The following EYA3 variants were observed in gnomAD, a reference collection of about 807,000 sequenced individuals.
EYA3 encodes EYA transcriptional coactivator and phosphatase 3, also known as protein phosphatase EYA3.
EYA3 carries 39 observed loss-of-function variants against 80.0 expected under a neutral mutation model. That is an observed-to-expected ratio of 0.49 (90% CI 0.38 to 0.64). EYA3 has a LOEUF of 0.64. EYA3 is among the 30% of genes least tolerant of loss of function. The pLI, the probability that EYA3 is intolerant of heterozygous loss-of-function variation, is 0.00. For missense variants in EYA3, 523 were observed against 676.1 expected, an observed-to-expected ratio of 0.77 and a Z score of 2.51; for synonymous variants, 206 against 232.8, an observed-to-expected ratio of 0.88 and a Z score of 1.05.
chr1:28,009,666 C>CAACAACAACAACAAA lies in EYA3; in HGVS notation c.909+1280_909+1281insTTTGTTGTTGTTGTT, dbSNP rs1243690052. Among the ~76,000 whole-genome samples, 2 of 151,940 alleles carry CAACAACAACAACAAA rather than the reference C, an allele frequency of 1.3e-5. No homozygotes were observed. Among genetic ancestry groups the CAACAACAACAACAAA allele is most frequent in the Non-Finnish European group, 2.9e-5 (2 of 67,976 alleles). ...ACAACAACAACAACAACAACAACAA[C>CAACAACAACAACAAA]AAAAAACCATTATGGTAAATGAAAT... On this transcript the variant is annotated intron_variant, in intron 10 of 17. Coordinates refer to ENST00000373871, the MANE Select transcript of EYA3 (RefSeq NM_001990.4). This position sits in a 1 kb window ranked among gnomAD's most constrained non-coding sequence, Gnocchi z 4.8.
chr1:27,979,392 T>A (rs903688524), intron 16 of EYA3, among the ~76,000 whole-genome samples: 3 of 152,186 alleles, frequency 2.0e-5, no homozygotes, highest in Non-Finnish European at 4.4e-5. Flanking sequence ...TTGTCATATC[T>A]GGAACCTCCT....
At chr1:28,063,585 T>C (rs1236776405) in intron 1 of EYA3, among the ~76,000 whole-genome samples, 1 of 152,020 alleles carries the variant, frequency 6.6e-6, no homozygotes, top group Non-Finnish European at 1.5e-5. Context: ...TGGCCTCAAG[T>C]GATCCACCAG....
intron 7 of EYA3, among the ~76,000 whole-genome samples, chr1:28,022,289 C>G (rs1468945463): frequency 6.6e-6 from 1 of 152,096 alleles, no homozygotes; most frequent in African/African-American, 2.4e-5. Context: ...GCTGGGACTA[C>G]AAGCACCCAC....
intron 2 of EYA3, among the ~76,000 whole-genome samples, chr1:28,057,242 T>C (rs1475970332): frequency 6.6e-6 from 1 of 152,110 alleles, no homozygotes. Flanking sequence ...ATTATTTGCT[T>C]TCAAAATTCA....
intron 1 of EYA3, among the ~76,000 whole-genome samples, chr1:28,073,928 A>C (rs1481976952): frequency 1.3e-5 from 2 of 152,214 alleles, no homozygotes; most frequent in Non-Finnish European, 1.5e-5. Flanking sequence ...GAAATTATAA[A>C]CACAGACCAC....
chr1:28,087,888 C>T (rs1000852556), intron 1 of EYA3, among the ~76,000 whole-genome samples: 3 of 152,200 alleles, frequency 2.0e-5, no homozygotes, highest in African/African-American at 7.2e-5. Flanking sequence ...TGGAAGCTAC[C>T]AGAGTTCAGT....
chr1:28,046,516 G>A (rs1402258974), intron 3 of EYA3, among the ~76,000 whole-genome samples: 5 of 151,974 alleles, frequency 3.3e-5, no homozygotes, highest in African/African-American at 9.7e-5. Context: ...GGAAAGGGAG[G>A]GAAAAGGGAG....
chr1:28,038,820 A>G lies in EYA3; in HGVS notation c.224+19T>C, dbSNP rs1464365427. Reference sequence around the variant, plus strand: ...TACAGAAAAAGCATATGCATTTTGGAAATAATTATTCAACTTACTTTGCAG... The same window carrying G: ...TACAGAAAAAGCATATGCATTTTGGGAATAATTATTCAACTTACTTTGCAG... On this transcript the variant is annotated intron_variant, in intron 5 of 17. Transcript: ENST00000373871. 1.3e-6 allele frequency: 2 copies of G among 1,483,362 alleles called. No individual in the cohort carries two copies. The highest frequency in any genetic ancestry group is 1.8e-6 in the Non-Finnish European group (2 of 1,085,948). 91.9% of individuals were successfully genotyped at this position (1,483,362 alleles called of 1,614,324 possible).
intron 1 of EYA3, among the ~76,000 whole-genome samples, chr1:28,081,192 C>G (rs1468016452): frequency 1.3e-5 from 2 of 152,070 alleles, no homozygotes; most frequent in African/African-American, 4.8e-5. Context: ...TAAATACATA[C>G]TAACAAAAAA....
Position 27,974,294 on chromosome 1 carries a change from G to GGAGA in EYA3, c.*168_*171dup, listed in dbSNP as rs1470755708. ...GAGAGAGAGAGAGGCAGAGAGGGAG[G>GGAGA]GAGAGAGGAAGGGAGGGAGGGAGAG... is the stretch of plus-strand genomic sequence containing the variant. On this transcript the variant is annotated 3_prime_UTR_variant, in exon 18 of 18. Coordinates refer to ENST00000373871, the MANE Select transcript of EYA3 (RefSeq NM_001990.4). 2.2e-6 allele frequency: 1 copy of GGAGA among 449,024 alleles called. No homozygotes were observed. Among genetic ancestry groups the GGAGA allele is most frequent in the Admixed American group, 3.5e-5 (1 of 28,530 alleles). 27.8% of individuals were successfully genotyped at this position (449,024 alleles called of 1,614,324 possible). A position where few individuals can be genotyped will look rare whatever the true frequency, so the allele number is the denominator to read the frequency against.
intron 2 of EYA3, among the ~76,000 whole-genome samples, chr1:28,052,933 T>C (rs187140168): frequency 6.6e-6 from 1 of 151,520 alleles, no homozygotes; most frequent in East Asian, 1.9e-4. Flanking sequence ...AGAGTGAGGA[T>C]TGCTTAAGGT....
At chr1:27,997,278 A>G (rs1252617333) in intron 13 of EYA3, 42 bp downstream of exon 13, 3 of 1,563,544 alleles carry the variant, frequency 1.9e-6, no homozygotes, top group African/African-American at 1.4e-5. Flanking sequence ...GATCTTGCAC[A>G]TAACAGGTGT....
chr1:28,064,393 T>A (rs201157602), intron 1 of EYA3, among the ~76,000 whole-genome samples: 23 of 129,266 alleles, frequency 1.8e-4, no homozygotes, highest in African/African-American at 5.7e-4. Context: ...TATATATATA[T>A]AAATATATAG....
At chr1:27,982,617 G>C (rs988544328) in intron 16 of EYA3, among the ~76,000 whole-genome samples, 1 of 151,756 alleles carries the variant, frequency 6.6e-6, no homozygotes, top group African/African-American at 2.4e-5. Flanking sequence ...TTTTGAGACA[G>C]AGTCTTGCTC....
intron 9 of EYA3, among the ~76,000 whole-genome samples, chr1:28,012,764 G>C (rs1408907071): frequency 6.6e-6 from 1 of 152,152 alleles, no homozygotes; most frequent in Non-Finnish European, 1.5e-5. Flanking sequence ...CTTAGCAGCA[G>C]TTCAAAACCT....
At chr1:28,079,294 G>A (rs527874746) in intron 1 of EYA3, among the ~76,000 whole-genome samples, 69 of 152,312 alleles carry the variant, frequency 4.5e-4, no homozygotes, top group African/African-American at 1.5e-3. Context: ...TACAGGAAAC[G>A]AATTGGGACA....
intron 1 of EYA3, among the ~76,000 whole-genome samples, chr1:28,066,988 C>T (rs1450715229): frequency 6.6e-6 from 1 of 152,034 alleles, no homozygotes; most frequent in African/African-American, 2.4e-5. Flanking sequence ...GATACGACTT[C>T]ATACATATTA....
In EYA3 at chr1:28,027,926, C is replaced by G; in HGVS notation, c.362G>C (p.Gly121Ala). ...AGGTTTCATACCTGGCCACAATGCA[C>G]CTGAATCAGATAAATTGGACCAATT... ...ATQTYGLPPF[G>A]ALWPGMKPES... is the part of the protein sequence containing the mutation. Residue 121 changes from glycine to alanine, a missense_variant and splice_region_variant, in exon 7 of 18, where the codon GGT (glycine) becomes GCT (alanine). By Grantham distance (60) the Gly-to-Ala change is moderately conservative. This residue lies in a region of EYA3 where 304 missense variants were observed against 343.3 expected (regional missense o/e 0.89). Coordinates refer to ENST00000373871, the MANE Select transcript of EYA3 (RefSeq NM_001990.4). 1 of 1,614,052 alleles carries G rather than the reference C, an allele frequency of 6.2e-7. No homozygotes were observed. The highest frequency in any genetic ancestry group is 8.5e-7 in the Non-Finnish European group (1 of 1,179,976).
At chr1:28,068,636 G>C (rs1293409261) in intron 1 of EYA3, among the ~76,000 whole-genome samples, 1 of 151,328 alleles carries the variant, frequency 6.6e-6, no homozygotes, top group East Asian at 1.9e-4. Flanking sequence ...AATCAGAAAA[G>C]ATTCAGACTC....
Sources: gnomAD v4.1 joint callset for allele counts (sites outside exome capture counted in the v4.1 genomes callset) on GRCh38, gnomAD v4.1.1 for gene constraint, gnomAD v4.1.1 regional missense constraint, Gnocchi (gnomAD v3.1) non-coding constraint, MANE v1.5 for transcripts, NCBI Gene and HGNC (gene_info 2026-07-23, HGNC 2026-07-21) for gene names.